Variants in PLCB1 observed in about 807,000 individuals in gnomAD.
The protein encoded by PLCB1 is phospholipase C beta 1.
A neutral mutation model predicts 161.8 loss-of-function variants in PLCB1; 46 were observed. The ratio of observed to expected loss-of-function variants is 0.28; its 90% CI spans 0.22 to 0.36. PLCB1 has a LOEUF of 0.36. Ranked by LOEUF, PLCB1 falls within the 10% of genes least tolerant of loss-of-function variation. The pLI is 1.00. For missense variants in PLCB1, 1,016 were observed against 1,472.5 expected (o/e 0.69, Z 5.07); for synonymous variants, 517 against 503.7 (o/e 1.03, Z -0.35).
intron 3 of PLCB1, among the ~76,000 whole-genome samples, chr20:8,443,963 G>A (rs907200206): frequency 6.6e-6 from 1 of 151,914 alleles, no homozygotes; most frequent in Non-Finnish European, 1.5e-5. Flanking sequence ...TTACACCTCC[G>A]ACTTTTTTCC....
chr20:8,627,527 G>C (rs1482454207), intron 3 of PLCB1, among the ~76,000 whole-genome samples: 1 of 152,150 alleles, frequency 6.6e-6, no homozygotes, highest in Admixed American at 6.5e-5. Flanking sequence ...TTTCTGCATG[G>C]ACTTCTCATT....
chr20:8,680,464 A>G (rs1006950129), intron 9 of PLCB1, among the ~76,000 whole-genome samples: 4 of 152,170 alleles, frequency 2.6e-5, no homozygotes, highest in African/African-American at 9.7e-5. Context: ...GCTTTCCTTG[A>G]CTTTGACATA....
At chr20:8,419,868 T>C (rs1195881139) in intron 3 of PLCB1, among the ~76,000 whole-genome samples, 1 of 152,196 alleles carries the variant, frequency 6.6e-6, no homozygotes, top group Non-Finnish European at 1.5e-5. Context: ...AGTTTGAATT[T>C]TTTTAAGATA....
chr20:8,539,166 T>G (rs1985174266), intron 3 of PLCB1, among the ~76,000 whole-genome samples: 1 of 152,164 alleles, frequency 6.6e-6, no homozygotes, highest in South Asian at 2.1e-4. Context: ...TCATTTTCAG[T>G]TTGTCATAGC....
At chr20:8,264,973 T>C (rs990358098) in intron 2 of PLCB1, among the ~76,000 whole-genome samples, 5 of 152,126 alleles carry the variant, frequency 3.3e-5, no homozygotes, top group African/African-American at 4.8e-5. Flanking sequence ...AGATAATTAA[T>C]GAGGAAACCT....
At position 8,525,468 on chromosome 20, in the gene PLCB1, A is replaced by C. The variant is rs73598281; in HGVS notation, c.247-102826A>C. ...TTGATAAGGCCAAGTTCAAATAATC[A>C]ATCTCAATTAGGCTGATTAATTTCA... is the stretch of plus-strand genomic sequence containing the variant. On this transcript the variant is annotated intron_variant, in intron 3 of 31. Transcript: ENST00000338037. Among the ~76,000 whole-genome samples the C allele has an allele frequency of 5.4e-4, 82 of 152,292 alleles. No individual in the cohort carries two copies. In the East Asian group the frequency reaches 0.015, roughly 28 times the overall value.
chr20:8,263,791 T>A (rs1981824032), intron 2 of PLCB1, among the ~76,000 whole-genome samples: 1 of 152,178 alleles, frequency 6.6e-6, no homozygotes, highest in Non-Finnish European at 1.5e-5. Flanking sequence ...AATGGACCTG[T>A]ATAAAACACT....
At chr20:8,657,115 A>G (rs1989483367) in intron 7 of PLCB1, 69 bp from the exon 8 acceptor site, 3 of 850,128 alleles carry the variant, frequency 3.5e-6, no homozygotes, top group East Asian at 4.9e-5. Context: ...AAGACAGAGA[A>G]AAAACAGGGA....
At chr20:8,269,552 C>T (rs1212141037) in intron 2 of PLCB1, among the ~76,000 whole-genome samples, 2 of 152,088 alleles carry the variant, frequency 1.3e-5, no homozygotes, top group Non-Finnish European at 2.9e-5. Context: ...GATGCAACTA[C>T]CTAATGCCAG....
At chr20:8,291,436 T>C (rs1600291235) in intron 2 of PLCB1, among the ~76,000 whole-genome samples, 1 of 152,210 alleles carries the variant, frequency 6.6e-6, no homozygotes, top group Non-Finnish European at 1.5e-5. Flanking sequence ...CTTTGGGTTC[T>C]GTTATTGCCA....
At chr20:8,295,355 G>A (rs1600293829) in intron 2 of PLCB1, among the ~76,000 whole-genome samples, 2 of 152,124 alleles carry the variant, frequency 1.3e-5, no homozygotes, top group East Asian at 3.9e-4. Flanking sequence ...AAATATGATA[G>A]GAGGAAAGGT....
Position 8,740,464 on chromosome 20 carries a change from C to G in PLCB1, c.2413+16C>G. On this transcript the variant is annotated intron_variant, in intron 22 of 31. Coordinates refer to ENST00000338037, the MANE Select transcript of PLCB1 (RefSeq NM_015192.4). ...ACATATGCAGGTAAACAACTTAACT[C>G]AAATACCACTTTACTCAAAGGGGTA... 7.2e-7 allele frequency: 1 copy of G among 1,382,442 alleles called. No individual in the cohort carries two copies. Among genetic ancestry groups the G allele is most frequent in the Non-Finnish European group, 1.0e-6 (1 of 999,808 alleles). 85.6% of individuals were successfully genotyped at this position (1,382,442 alleles called of 1,614,324 possible).
At chr20:8,530,651 A>G (rs1383133648) in intron 3 of PLCB1, among the ~76,000 whole-genome samples, 1 of 152,112 alleles carries the variant, frequency 6.6e-6, no homozygotes, top group Non-Finnish European at 1.5e-5. Context: ...TTCGACATGT[A>G]TATTCTCCAC....
intron 3 of PLCB1, among the ~76,000 whole-genome samples, chr20:8,436,841 G>C (rs1980334486): frequency 6.6e-6 from 1 of 152,104 alleles, no homozygotes; most frequent in South Asian, 2.1e-4. Context: ...CCAGGCTGGA[G>C]TGCAGGGGTA....
At chr20:8,839,288 A>G (rs1986406092) in intron 31 of PLCB1, among the ~76,000 whole-genome samples, 1 of 152,190 alleles carries the variant, frequency 6.6e-6, no homozygotes, top group African/African-American at 2.4e-5. Flanking sequence ...TCCTAAATCA[A>G]AAAAGACGGA....
chr20:8,742,169 T>G (rs1322006216), intron 23 of PLCB1, among the ~76,000 whole-genome samples: 2 of 152,138 alleles, frequency 1.3e-5, no homozygotes, highest in African/African-American at 4.8e-5. Context: ...AAGTTTAAAT[T>G]TATAAAGCTT....
chr20:8,760,427 A>G lies in PLCB1; in HGVS notation c.2677A>G (p.Lys893Glu). Reference sequence around the variant, plus strand: ...TACAGGTTCTGTAAAGGCACCTGCCAAAACAGAAGATCTTATTCAGAGTGT... The same window carrying G: ...TACAGGTTCTGTAAAGGCACCTGCCGAAACAGAAGATCTTATTCAGAGTGT... The part of the protein sequence containing the change: ...PAPGSVKAPA[K>E]TEDLIQSVLT... The change falls in exon 25 of 32, where the codon AAA becomes GAA. Residue 893 changes from lysine (K) to glutamate (E), a missense_variant. Physicochemically the swap from Lys to Glu is moderately conservative, Grantham distance 56 (BLOSUM62 1). Around this residue, in one of 10 missense-constraint regions of PLCB1, gnomAD observed 398 missense variants for 445.4 expected, o/e 0.89. Coordinates refer to ENST00000338037, the MANE Select transcript of PLCB1 (RefSeq NM_015192.4). 1 of 1,610,796 alleles carries G rather than the reference A, an allele frequency of 6.2e-7. No homozygotes were observed. The highest frequency in any genetic ancestry group is 8.5e-7 in the Non-Finnish European group (1 of 1,177,244).
intron 31 of PLCB1, among the ~76,000 whole-genome samples, chr20:8,791,269 C>T (rs4816088): frequency 0.66 from 100,905 of 151,960 alleles, 33,664 homozygotes; most frequent in East Asian, 0.84. Context: ...CTAATTCTTA[C>T]GTTTCTCCTA....
intron 14 of PLCB1, among the ~76,000 whole-genome samples, chr20:8,719,235 T>A (rs1979495286): frequency 6.6e-6 from 1 of 152,138 alleles, no homozygotes; most frequent in South Asian, 2.1e-4. Context: ...AACAATCAAT[T>A]GGAAAACTAC....
Sources: gnomAD v4.1 joint callset for allele counts (sites outside exome capture counted in the v4.1 genomes callset) on GRCh38, gnomAD v4.1.1 for gene constraint, gnomAD v4.1.1 regional missense constraint, MANE v1.5 for transcripts, NCBI Gene and HGNC (gene_info 2026-07-23, HGNC 2026-07-21) for gene names.